The following SPAG16 variants were observed in gnomAD, a reference collection of about 807,000 sequenced individuals.
SPAG16 encodes the protein sperm-associated antigen 16 protein.
Under a neutral mutation model 80.4 loss-of-function variants are expected in SPAG16, and 86 were observed. The ratio of observed to expected loss-of-function variants is 1.07; its 90% confidence interval spans 0.90 to 1.28. The LOEUF (loss-of-function observed/expected upper bound fraction) is 1.28. Ranked by LOEUF, SPAG16 falls within the 50% of genes most tolerant of loss-of-function variation. SPAG16 has a pLI of 0.00. For synonymous variants in SPAG16, 294 were observed against 265.9 expected (o/e 1.11, Z -1.03); for missense variants, 870 against 765.3 (o/e 1.14, Z -1.61).
chr2:214,374,397 G>A (rs1047948200), intron 15 of SPAG16, among the ~76,000 whole-genome samples: 3 of 152,142 alleles, frequency 2.0e-5, no homozygotes, highest in Non-Finnish European at 2.9e-5. Flanking sequence ...GCACAGGACA[G>A]GGAATTTTAG....
At chr2:213,577,497 C>T (rs987087380) in intron 10 of SPAG16, among the ~76,000 whole-genome samples, 2 of 152,122 alleles carry the variant, frequency 1.3e-5, no homozygotes, top group Admixed American at 1.3e-4. Context: ...TCCTGATAAG[C>T]CCATCTCAAC....
Position 213,387,431 on chromosome 2 carries a change from C to CTTTT in SPAG16, c.942+12338_942+12341dup, listed in dbSNP as rs71060428. On this transcript the variant is annotated intron_variant, in intron 9 of 15. Transcript: ENST00000331683. ...TTTGGGTTGGAATGAAATGCATGCT[C>CTTTT]TTTTTTTTTTTTTTTTTTTTTTTTT... 4.4e-4 allele frequency among the ~76,000 whole-genome samples: 21 copies of CTTTT among 47,910 alleles called. 7 individuals are homozygous for CTTTT. Among genetic ancestry groups the CTTTT allele is most frequent in the East Asian group, 1.4e-3 (2 of 1,402 alleles). 31.4% of individuals were successfully genotyped at this position (47,910 alleles called of 152,430 possible). A position where few individuals can be genotyped will look rare whatever the true frequency, so the allele number is the denominator to read the frequency against.
At chr2:213,874,349 C>T (rs988240181) in intron 11 of SPAG16, among the ~76,000 whole-genome samples, 3 of 152,076 alleles carry the variant, frequency 2.0e-5, no homozygotes, top group African/African-American at 7.2e-5. Flanking sequence ...CAGTTTGAAA[C>T]ACAAACTGTA....
At chr2:214,226,150 A>G (rs1008942905) in intron 15 of SPAG16, among the ~76,000 whole-genome samples, 1 of 152,124 alleles carries the variant, frequency 6.6e-6, no homozygotes, top group Non-Finnish European at 1.5e-5. Context: ...ATAAGTCTCA[A>G]TGGATCTCAG....
chr2:214,048,221 A>G (rs555218290), intron 13 of SPAG16, among the ~76,000 whole-genome samples: 2 of 152,318 alleles, frequency 1.3e-5, no homozygotes, highest in Admixed American at 6.5e-5. Flanking sequence ...AAATCAGTGT[A>G]TAGAGGAGAT....
At chr2:214,246,092 G>A (rs1370962663) in intron 15 of SPAG16, among the ~76,000 whole-genome samples, 1 of 151,878 alleles carries the variant, frequency 6.6e-6, no homozygotes, top group Admixed American at 6.6e-5. Context: ...CTGTTTCTAG[G>A]TCCTGAATTT....
intron 13 of SPAG16, among the ~76,000 whole-genome samples, chr2:214,056,653 G>A (rs2049962029): frequency 6.6e-6 from 1 of 152,130 alleles, no homozygotes; most frequent in African/African-American, 2.4e-5. Context: ...GAAGGCTGGG[G>A]TGGCTGTGGC....
intron 10 of SPAG16, among the ~76,000 whole-genome samples, chr2:213,643,848 T>C (rs1476296530): frequency 4.9e-5 from 7 of 144,080 alleles, no homozygotes; most frequent in African/African-American, 1.8e-4. Context: ...TGGTGCAATC[T>C]TGGCTCACTG....
intron 15 of SPAG16, among the ~76,000 whole-genome samples, chr2:214,228,525 A>G (rs751693381): frequency 1.3e-5 from 2 of 151,850 alleles, no homozygotes; most frequent in African/African-American, 2.4e-5. Context: ...TCAATAGGAG[A>G]AAAAGCAAAA....
At chr2:213,311,116 A>G (rs1374637814) in intron 4 of SPAG16, among the ~76,000 whole-genome samples, 2 of 151,734 alleles carry the variant, frequency 1.3e-5, no homozygotes, top group Non-Finnish European at 3.0e-5. Flanking sequence ...AATAAATTCT[A>G]TGAGGAGAAT....
At chr2:213,900,484 A>G (rs1033069) in intron 11 of SPAG16, among the ~76,000 whole-genome samples, 88,830 of 151,930 alleles carry the variant, frequency 0.58, 27,793 homozygotes, top group South Asian at 0.84. Flanking sequence ...TCTCCCTGCA[A>G]CAAACCGGGT....
At chr2:213,305,846 T>C (rs570529839) in intron 3 of SPAG16, among the ~76,000 whole-genome samples, 4 of 152,274 alleles carry the variant, frequency 2.6e-5, no homozygotes, top group Non-Finnish European at 5.9e-5. Context: ...ATCAGGGTAA[T>C]ACTGGCCTCA....
intron 15 of SPAG16, among the ~76,000 whole-genome samples, chr2:214,328,047 T>TA (rs1400134733): frequency 6.6e-6 from 1 of 152,122 alleles, no homozygotes; most frequent in African/African-American, 2.4e-5. Flanking sequence ...AGTTTATAAA[T>TA]AAAAAATAAA....
intron 11 of SPAG16, among the ~76,000 whole-genome samples, chr2:213,892,057 A>C (rs1156234815): frequency 6.6e-6 from 1 of 152,184 alleles, no homozygotes; most frequent in Non-Finnish European, 1.5e-5. Flanking sequence ...GTAATCTGTA[A>C]TTTGGAGATG....
intron 11 of SPAG16, among the ~76,000 whole-genome samples, chr2:213,872,922 A>G (rs565991356): frequency 7.2e-4 from 109 of 152,220 alleles, no homozygotes; most frequent in Admixed American, 1.4e-3. Context: ...CATTCCTGAA[A>G]TAAATGCTAG....
intron 11 of SPAG16, among the ~76,000 whole-genome samples, chr2:213,907,825 G>A (rs755461901): frequency 7.2e-5 from 11 of 152,126 alleles, no homozygotes; most frequent in Non-Finnish European, 1.3e-4. Context: ...AAAAAACGTT[G>A]AGCACATAGA....
chr2:213,368,519 C>T (rs1185577017), intron 8 of SPAG16, among the ~76,000 whole-genome samples: 1 of 152,140 alleles, frequency 6.6e-6, no homozygotes, highest in African/African-American at 2.4e-5. Flanking sequence ...CAGGGATGCC[C>T]TCTCTCACCA....
chr2:213,665,371 A>AACAC (rs201728391), intron 10 of SPAG16, among the ~76,000 whole-genome samples: 9 of 151,778 alleles, frequency 5.9e-5, no homozygotes, highest in Non-Finnish European at 1.2e-4. Flanking sequence ...ATGCTGGATA[A>AACAC]ACACACACAC....
intron 10 of SPAG16, among the ~76,000 whole-genome samples, chr2:213,821,209 A>G (rs1327276932): frequency 6.6e-6 from 1 of 152,090 alleles, no homozygotes; most frequent in African/African-American, 2.4e-5. Flanking sequence ...TTATTTTCTA[A>G]CTTGTCCTTA....
Sources: gnomAD v4.1 joint callset for allele counts (sites outside exome capture counted in the v4.1 genomes callset) on GRCh38, gnomAD v4.1.1 for gene constraint, MANE v1.5 for transcripts, NCBI Gene and HGNC (gene_info 2026-07-23, HGNC 2026-07-21) for gene names.